ZNF438: variants seen among roughly 807,000 people sequenced by gnomAD.
The protein encoded by ZNF438 is zinc finger protein 438.
A neutral mutation model predicts 38.0 loss-of-function variants in ZNF438; 25 were observed. The observed-to-expected ratio is 0.66, with a 90% CI of 0.48 to 0.92. ZNF438 has a LOEUF of 0.92. Ranked by LOEUF, ZNF438 falls within the 40% of genes least tolerant of loss-of-function variation. ZNF438 has a pLI of 0.00. For synonymous variants in ZNF438, 372 were observed against 364.1 expected (o/e 1.02, Z -0.25); for missense variants, 1,007 against 999.6 (o/e 1.01, Z -0.10).
intron 1 of ZNF438, among the ~76,000 whole-genome samples, chr10:30,953,684 CAT>C (rs1487758754): frequency 7.0e-6 from 1 of 143,206 alleles, no homozygotes; most frequent in Non-Finnish European, 1.5e-5. Flanking sequence ...AAAAAACAAA[CAT>C]GTGGCATTGG....
At chr10:30,898,107 T>C (rs1564598696) in intron 3 of ZNF438, among the ~76,000 whole-genome samples, 2 of 152,160 alleles carry the variant, frequency 1.3e-5, no homozygotes, top group African/African-American at 2.4e-5. Flanking sequence ...AGTAAAGGCA[T>C]ATAATAGTAA....
intron 4 of ZNF438, among the ~76,000 whole-genome samples, chr10:30,864,614 A>G (rs1588864856): frequency 1.3e-5 from 2 of 152,354 alleles, no homozygotes; most frequent in South Asian, 4.1e-4. Context: ...GTTGTACAAC[A>G]TAATTTTTAC....
intron 1 of ZNF438, among the ~76,000 whole-genome samples, chr10:30,976,027 A>T (rs1236267683): frequency 6.6e-6 from 1 of 152,116 alleles, no homozygotes; most frequent in Non-Finnish European, 1.5e-5. Flanking sequence ...CTTAACTGTT[A>T]ATGATAGGTG....
intron 3 of ZNF438, among the ~76,000 whole-genome samples, chr10:30,900,545 C>T (rs181761380): frequency 6.6e-6 from 1 of 152,184 alleles, no homozygotes; most frequent in Non-Finnish European, 1.5e-5. Flanking sequence ...GTGTTCTAAG[C>T]ATTAAGTATA....
At chr10:30,957,973 T>G (rs1366913221) in intron 1 of ZNF438, among the ~76,000 whole-genome samples, 4 of 146,908 alleles carry the variant, frequency 2.7e-5, no homozygotes, top group Non-Finnish European at 4.6e-5. Flanking sequence ...ATATTTATAT[T>G]TTTCTTGAGG....
chr10:30,860,006 T>TC (rs35030560), intron 4 of ZNF438, among the ~76,000 whole-genome samples: 9 of 151,632 alleles, frequency 5.9e-5, no homozygotes, highest in African/African-American at 2.2e-4. Flanking sequence ...CCCTTCATTT[T>TC]CCCCCCGAGA....
chr10:30,881,103 CTTCTA>C (rs2039190820), intron 3 of ZNF438, among the ~76,000 whole-genome samples: 3 of 152,206 alleles, frequency 2.0e-5, no homozygotes, highest in Admixed American at 2.0e-4. Context: ...ATTCTCACCA[CTTCTA>C]TTCAACCCTG....
At chr10:31,003,706 A>C (rs889879241) in intron 1 of ZNF438, among the ~76,000 whole-genome samples, 1 of 152,200 alleles carries the variant, frequency 6.6e-6, no homozygotes, top group Non-Finnish European at 1.5e-5. Flanking sequence ...TGATTACCAC[A>C]GTAGCCTCTT....
chr10:30,951,375 C>T (rs1246988970), intron 1 of ZNF438, among the ~76,000 whole-genome samples: 2 of 150,330 alleles, frequency 1.3e-5, no homozygotes, highest in African/African-American at 2.4e-5. Flanking sequence ...TCCTATTCAA[C>T]ATAGTGTTGG....
At chr10:30,988,886 T>A (rs936684560) in intron 1 of ZNF438, among the ~76,000 whole-genome samples, 8 of 152,186 alleles carry the variant, frequency 5.3e-5, no homozygotes, top group Non-Finnish European at 7.4e-5. Flanking sequence ...CTGTTTGGTA[T>A]AACACTAATC....
intron 1 of ZNF438, among the ~76,000 whole-genome samples, chr10:31,002,744 C>T (rs566238710): frequency 9.2e-5 from 14 of 152,092 alleles, no homozygotes; most frequent in Non-Finnish European, 1.3e-4. Context: ...TATAACAATA[C>T]GGAGAAGAGA....
intron 3 of ZNF438, among the ~76,000 whole-genome samples, chr10:30,893,176 TTCAA>T (rs968122046): frequency 6.6e-6 from 1 of 152,226 alleles, no homozygotes; most frequent in Non-Finnish European, 1.5e-5. Context: ...ATAGGAATTT[TTCAA>T]TCAAATACTC....
chr10:30,919,568 T>A (rs1589194789), intron 2 of ZNF438: 3 of 152,198 alleles, frequency 2.0e-5, no homozygotes, highest in African/African-American at 4.8e-5. Context: ...TTCTTTTGCG[T>A]GTGATTTTGG....
chr10:30,868,887 A>G (rs58361287), intron 4 of ZNF438, among the ~76,000 whole-genome samples: 30,915 of 152,136 alleles, frequency 0.2, 3,414 homozygotes, highest in African/African-American at 0.29. Flanking sequence ...CATAAATGCT[A>G]TTTGCACCTG....
rs78202060 is a variant in ZNF438, at chr10:31,030,297, C to T, written c.-192+1536G>A. Among the ~76,000 whole-genome samples the T allele has an allele frequency of 4.2e-3, 642 of 152,318 alleles. 20 individuals are homozygous for T. In the East Asian group the frequency reaches 0.087, roughly 21 times the overall value. ...TTCCTTCCCTTCACTGCACTTATGA[C>T]TACCTGAAATTACATTATGCACGTA... On this transcript the variant is annotated intron_variant, in intron 1 of 5. Coordinates refer to ENST00000413025, the Ensembl canonical transcript of ZNF438.
In ZNF438 at chr10:30,924,931, C is replaced by T. The variant is rs768380702; in HGVS notation, c.-114-15916G>A. Among the ~76,000 whole-genome samples the T allele has an allele frequency of 2.2e-4, 34 of 152,080 alleles. 1 individual carries two copies. The highest frequency in any genetic ancestry group is 5.3e-4 in the African/African-American group (22 of 41,404). ...TTTCTTAGTTTTGATAAATATACTACGGCTATGTAGGATGTTAATTATTTC... is the reference window on the plus strand; with the variant it reads ...TTTCTTAGTTTTGATAAATATACTATGGCTATGTAGGATGTTAATTATTTC... On this transcript the variant is annotated intron_variant, in intron 2 of 5. Coordinates refer to ENST00000413025, the Ensembl canonical transcript of ZNF438.
intron 2 of ZNF438, among the ~76,000 whole-genome samples, chr10:30,933,923 A>G (rs7897755): frequency 0.98 from 149,801 of 152,140 alleles, 73,764 homozygotes; most frequent in East Asian, 1. Context: ...GAGGTGGGTG[A>G]ATCACGAGGT....
chr10:30,854,042 G>A (rs540583275), intron 4 of ZNF438, among the ~76,000 whole-genome samples: 11 of 150,582 alleles, frequency 7.3e-5, no homozygotes, highest in East Asian at 4.0e-4. Flanking sequence ...CATATAGGCC[G>A]GGCACGGTGG....
chr10:30,849,640 G>A (rs747725019), exon 5 of ZNF438: 1 of 1,614,160 alleles, frequency 6.2e-7, no homozygotes, highest in Non-Finnish European at 8.5e-7. Flanking sequence ...ATTTTTCACT[G>A]GCAACAGCAG....
Sources: gnomAD v4.1 joint callset for allele counts (sites outside exome capture counted in the v4.1 genomes callset) on GRCh38, gnomAD v4.1.1 for gene constraint, MANE v1.5 for transcripts, NCBI Gene and HGNC (gene_info 2026-07-23, HGNC 2026-07-21) for gene names.